Variants in IRS2 observed in about 807,000 individuals in gnomAD.
The protein encoded by IRS2 is insulin receptor substrate 2.
A neutral mutation model predicts 70.9 loss-of-function variants in IRS2; 28 were observed. The ratio of observed to expected loss-of-function variants is 0.39; its 90% CI spans 0.29 to 0.54. The LOEUF (loss-of-function observed/expected upper bound fraction) is 0.54. IRS2 is among the 20% of genes least tolerant of loss of function. The pLI, the probability that IRS2 is intolerant of heterozygous loss-of-function variation, is 0.59. For synonymous variants in IRS2, 1,217 were observed against 981.9 expected, an observed-to-expected ratio of 1.24 and a Z score of -4.48; for missense variants, 2,081 against 2,024.1, an observed-to-expected ratio of 1.03 and a Z score of -0.54.
At chr13:109,760,325 A>C (rs917205973) in intron 1 of IRS2, among the ~76,000 whole-genome samples, 1 of 152,228 alleles carries the variant, frequency 6.6e-6, no homozygotes, top group Non-Finnish European at 1.5e-5. Context: ...AACACCACAC[A>C]CCAGTTCTGC....
At chr13:109,757,508 G>A (rs1877132206) in intron 1 of IRS2, among the ~76,000 whole-genome samples, 1 of 152,102 alleles carries the variant, frequency 6.6e-6, no homozygotes, top group African/African-American at 2.4e-5. Context: ...CCCTGAAGCT[G>A]AGAGTGAGTC....
chr13:109,784,654 G>A lies in IRS2; in HGVS notation c.1400C>T (p.Pro467Leu), dbSNP rs1397210544. 2 of 1,254,786 alleles carry A rather than the reference G, an allele frequency of 1.6e-6. No homozygotes were observed. The highest frequency in any genetic ancestry group is 2.0e-6 in the Non-Finnish European group (2 of 1,002,788). The allele number at this position is 1,254,786 out of a possible 1,614,324, so 77.7% of individuals were successfully genotyped here. ...GSYPPPPGPH[P>L]PLPHPLHHGP... ...GTGGTGCAGCGGATGCGGCAGAGGC[G>A]GGTGCGGGCCGGGCGGCGGCGGGTA... Residue 467 changes from proline to leucine, a missense_variant, in exon 1 of 2, where the codon CCG becomes CTG. Coordinates refer to ENST00000375856, the MANE Select transcript of IRS2 (RefSeq NM_003749.3). This position sits in a 1 kb window ranked among gnomAD's most constrained non-coding sequence, Gnocchi z 5.2.
At chr13:109,757,961 C>T (rs934388550) in intron 1 of IRS2, among the ~76,000 whole-genome samples, 11 of 152,310 alleles carry the variant, frequency 7.2e-5, no homozygotes, top group Admixed American at 7.2e-4. Context: ...GGATTACAGG[C>T]GTGGGCCACT....
In IRS2 at chr13:109,782,637, G is replaced by A. The variant is rs911122670; in HGVS notation, c.3417C>T (p.Asp1139=). 2.5e-6 allele frequency: 4 copies of A among 1,572,110 alleles called. No homozygotes were observed. The highest frequency in any genetic ancestry group is 1.3e-5 in the African/African-American group (1 of 74,240). Residue 1139 remains aspartate, a synonymous_variant, in exon 1 of 2, where the codon GAC becomes GAT. Transcript: ENST00000375856. The part of the protein sequence containing the change: ...PHRGAKVIRA[D]PQGGRRRHSS... ...TGTGGCGGCGGCGGCCCCCCTGCGG[G>A]TCTGCGCGGATGACCTTGGCGCCGC...
chr13:109,785,925 G>A lies in IRS2; in HGVS notation c.129C>T (p.Gly43=), dbSNP rs930329556. 10 of 1,497,738 alleles carry A rather than the reference G, an allele frequency of 6.7e-6. No individual in the cohort carries two copies. Among genetic ancestry groups the A allele is most frequent in the Non-Finnish European group, 8.8e-6 (10 of 1,130,066 alleles). 92.8% of individuals were successfully genotyped at this position (1,497,738 alleles called of 1,614,324 possible). The stretch of plus-strand genomic sequence containing the variant: ...CGCGCAGCACGAAGAAGCGCTTGTG[G>A]CCATGCTTCTGCTTGCGCAGGTAGC... The part of the protein sequence containing the change: ...KCGYLRKQKH[G]HKRFFVLRGP... The change falls in exon 1 of 2, where the codon GGC becomes GGT. Residue 43 remains glycine (G), a synonymous_variant. Coordinates refer to ENST00000375856, the MANE Select transcript of IRS2 (RefSeq NM_003749.3). The surrounding 1 kb of genome is among the most constrained non-coding windows in gnomAD (Gnocchi z 9.3).
At position 109,786,387 on chromosome 13, in the gene IRS2, C is replaced by A. The variant is rs951907196; in HGVS notation, c.-334G>T. On this transcript the variant is annotated 5_prime_UTR_variant, in exon 1 of 2. Coordinates refer to ENST00000375856, the MANE Select transcript of IRS2 (RefSeq NM_003749.3). The surrounding 1 kb of genome is among the most constrained non-coding windows in gnomAD (Gnocchi z 4.4). ...TCGCTGGGCCGGGAGTCGGGGTCCC[C>A]GAGCCGCGGGGCCGAGCCTAAGGCG... is the stretch of plus-strand genomic sequence containing the variant. The A allele has an allele frequency of 2.0e-5, 3 of 147,192 alleles. No homozygotes were observed. The highest frequency in any genetic ancestry group is 1.8e-4 in the South Asian group (1 of 5,558). The allele number at this position is 147,192 out of a possible 1,614,324, so 9.1% of individuals were successfully genotyped here. A position where few individuals can be genotyped will look rare whatever the true frequency, so the allele number is the denominator to read the frequency against.
intron 1 of IRS2, among the ~76,000 whole-genome samples, chr13:109,772,545 T>C (rs532654725): frequency 4.1e-4 from 63 of 152,258 alleles, no homozygotes; most frequent in African/African-American, 1.4e-3. Flanking sequence ...TCTCACCTGC[T>C]GTTTGGTGGG....
rs1337039748 is a variant in IRS2 at position 109,783,694 on chromosome 13, G to A, written c.2360C>T (p.Ala787Val). The A allele has an allele frequency of 1.3e-6, 2 of 1,563,800 alleles. No individual in the cohort carries two copies. Among genetic ancestry groups the A allele is most frequent in the South Asian group, 1.2e-5 (1 of 85,604 alleles). The change falls in exon 1 of 2, where the codon GCC becomes GTC. Residue 787 changes from alanine to valine, a missense_variant. Physicochemically the swap from Ala to Val is moderately conservative, Grantham distance 64. Coordinates refer to ENST00000375856, the MANE Select transcript of IRS2 (RefSeq NM_003749.3). ...GAGCGGCTCCCCGCCGGGGTGCAGG[G>A]CTGCGGAGAAGAAGTCGGGCGGGGT... is the stretch of plus-strand genomic sequence containing the variant. ...TGTPPDFFSA[A>V]LHPGGEPLRG...
In IRS2 at chr13:109,781,945, C is replaced by A. The variant is rs755980242; in HGVS notation, c.4012+97G>T. ...AGTGCCAGGCTGTCGGCTTCTGGGT[C>A]AAGGTCCCCAAAAAGTGGGAGCAGT... On this transcript the variant is annotated intron_variant, in intron 1 of 1. Transcript: ENST00000375856. 7.6e-4 allele frequency: 1,065 copies of A among 1,397,000 alleles called. 3 individuals are homozygous for A. The highest frequency in any genetic ancestry group is 9.4e-4 in the Non-Finnish European group (955 of 1,010,830). 86.5% of individuals were successfully genotyped at this position (1,397,000 alleles called of 1,614,324 possible). A position where few individuals can be genotyped will look rare whatever the true frequency, so the allele number is the denominator to read the frequency against.
Position 109,753,486 on chromosome 13 carries a change from C to T in IRS2, c.*2818G>A, listed in dbSNP as rs1289105531. On this transcript the variant is annotated 3_prime_UTR_variant, in exon 2 of 2. Transcript: ENST00000375856. Reference sequence around the variant, plus strand: ...CAAGTCTCTTAGCATTTTTGTACCTCGGGCTCCTCCTCTGTAGAATGAGGA... The same window carrying T: ...CAAGTCTCTTAGCATTTTTGTACCTTGGGCTCCTCCTCTGTAGAATGAGGA... The T allele has an allele frequency of 6.6e-6, 1 of 152,210 alleles. No individual in the cohort carries two copies. The highest frequency in any genetic ancestry group is 6.5e-5 in the Admixed American group (1 of 15,284). The allele number at this position is 152,210 out of a possible 1,614,324, so 9.4% of individuals were successfully genotyped here. A position where few individuals can be genotyped will look rare whatever the true frequency, so the allele number is the denominator to read the frequency against.
chr13:109,769,586 T>TC (rs1369393785), intron 1 of IRS2, among the ~76,000 whole-genome samples: 1 of 151,996 alleles, frequency 6.6e-6, no homozygotes, highest in Non-Finnish European at 1.5e-5. Flanking sequence ...AAATTTCCTT[T>TC]CCCCCCTCTC....
chr13:109,768,007 A>G (rs1220306504), intron 1 of IRS2, among the ~76,000 whole-genome samples: 1 of 152,224 alleles, frequency 6.6e-6, no homozygotes, highest in African/African-American at 2.4e-5. Flanking sequence ...CTGGGATCAC[A>G]GGCGTGAGCC....
chr13:109,770,597 A>G (rs1594383677), intron 1 of IRS2, among the ~76,000 whole-genome samples: 1 of 152,164 alleles, frequency 6.6e-6, no homozygotes, highest in Admixed American at 6.5e-5. Flanking sequence ...GTCGCAGCAG[A>G]GACATCCCGT....
intron 1 of IRS2, among the ~76,000 whole-genome samples, chr13:109,772,677 T>TTGCC (rs1397795439): frequency 6.8e-6 from 1 of 147,020 alleles, no homozygotes; most frequent in East Asian, 2.0e-4. Flanking sequence ...GGCCACAGAT[T>TTGCC]TGCCTATTAC....
chr13:109,781,126 G>C (rs1420724361), intron 1 of IRS2, among the ~76,000 whole-genome samples: 1 of 152,142 alleles, frequency 6.6e-6, no homozygotes, highest in Non-Finnish European at 1.5e-5. Context: ...CTGCCTCCTA[G>C]CCATCTCATG....
chr13:109,780,428 T>A (rs1306594441), intron 1 of IRS2, among the ~76,000 whole-genome samples: 4 of 152,224 alleles, frequency 2.6e-5, no homozygotes, highest in Non-Finnish European at 5.9e-5. Flanking sequence ...TTCTGGCGAC[T>A]TCCAATGATT....
chr13:109,781,826 G>A (rs1036943340), intron 1 of IRS2, among the ~76,000 whole-genome samples: 8 of 152,208 alleles, frequency 5.3e-5, no homozygotes, highest in South Asian at 2.1e-4. Context: ...CTCCCACGCG[G>A]AAAACGTCAC....
rs538782363 is a variant in IRS2, at chr13:109,782,946, C to CGGCGGCGGT, written c.3099_3107dup (p.Pro1034_Pro1036dup). Reference sequence around the variant, plus strand: ...GCAGGCGGTACAGCTCCCCCGGGGCCGGCGGCGGTGGCGGCGGCTGCAGAG... The same window carrying CGGCGGCGGT: ...GCAGGCGGTACAGCTCCCCCGGGGCCGGCGGCGGTGGCGGCGGTGGCGGCGGCTGCAGAG... On this transcript the variant is annotated inframe_insertion, in exon 1 of 2. Coordinates refer to ENST00000375856, the MANE Select transcript of IRS2 (RefSeq NM_003749.3). 6.9e-7 allele frequency: 1 copy of CGGCGGCGGT among 1,444,256 alleles called. No individual in the cohort carries two copies. The highest frequency in any genetic ancestry group is 1.5e-5 in the African/African-American group (1 of 65,062). 89.5% of individuals were successfully genotyped at this position (1,444,256 alleles called of 1,614,324 possible). A position where few individuals can be genotyped will look rare whatever the true frequency, so the allele number is the denominator to read the frequency against.
rs1166138984 is a variant in IRS2 at position 109,784,864 on chromosome 13, G to C, written c.1190C>G (p.Ala397Gly). Reference protein sequence around the residue: ...GSPLSPGPVRAPLSRSHTLSG... With the variant: ...GSPLSPGPVRGPLSRSHTLSG... ...CAGGGTGTGCGAGCGGCTCAGGGGC[G>C]CGCGCACCGGCCCGGGGCTCAGGGG... The change falls in exon 1 of 2, where the codon GCG becomes GGG. Residue 397 changes from alanine (A) to glycine (G), a missense_variant. By Grantham distance (60) the Ala-to-Gly change is moderately conservative. This residue lies in a region of IRS2 where 1,615 missense variants were observed against 1,459.5 expected (regional missense o/e 1.11). Transcript: ENST00000375856. The surrounding 1 kb of genome is among the most constrained non-coding windows in gnomAD (Gnocchi z 5.2). 1.7e-5 allele frequency: 19 copies of C among 1,139,530 alleles called. No individual in the cohort carries two copies. Among genetic ancestry groups the C allele is most frequent in the Non-Finnish European group, 1.8e-5 (17 of 923,646 alleles). The allele number at this position is 1,139,530 out of a possible 1,614,324, so 70.6% of individuals were successfully genotyped here. A position where few individuals can be genotyped will look rare whatever the true frequency, so the allele number is the denominator to read the frequency against.
Sources: gnomAD v4.1 joint callset for allele counts (sites outside exome capture counted in the v4.1 genomes callset) on GRCh38, gnomAD v4.1.1 for gene constraint, gnomAD v4.1.1 regional missense constraint, Gnocchi (gnomAD v3.1) non-coding constraint, MANE v1.5 for transcripts, NCBI Gene and HGNC (gene_info 2026-07-23, HGNC 2026-07-21) for gene names.